TDRD1: variants seen among roughly 807,000 people sequenced by gnomAD.
TDRD1 encodes tudor domain containing 1.
In TDRD1, 37 loss-of-function variants were observed where a neutral mutation model predicts 140.6. The ratio of observed to expected loss-of-function variants is 0.26; its 90% CI spans 0.20 to 0.35. The LOEUF (loss-of-function observed/expected upper bound fraction) is 0.35. TDRD1 is among the 10% of genes least tolerant of loss of function. The pLI, the probability that TDRD1 is intolerant of heterozygous loss-of-function variation, is 1.00. For missense variants in TDRD1, 1,243 were observed against 1,393.0 expected (o/e 0.89, Z 1.71); for synonymous variants, 506 against 475.7 (o/e 1.06, Z -0.83).
intron 16 of TDRD1, among the ~76,000 whole-genome samples, chr10:114,216,598 A>G (rs892294247): frequency 6.6e-6 from 1 of 152,232 alleles, no homozygotes; most frequent in Admixed American, 6.5e-5. Context: ...TTTTATTACT[A>G]AAACAAATCC....
intron 11 of TDRD1, among the ~76,000 whole-genome samples, chr10:114,206,867 C>T (rs924200828): frequency 1.3e-5 from 2 of 152,188 alleles, no homozygotes; most frequent in Non-Finnish European, 2.9e-5. Flanking sequence ...TCGCCCGCCT[C>T]AGCCTCCCAA....
upstream of TDRD1, among the ~76,000 whole-genome samples, chr10:114,175,814 G>T (rs1428136593): frequency 6.6e-6 from 1 of 152,084 alleles, no homozygotes; most frequent in Non-Finnish European, 1.5e-5. Context: ...GACGCACTAT[G>T]TAAAAAAATC....
chr10:114,210,430 A>G (rs2035406505), intron 11 of TDRD1, 151 bp from the exon 12 acceptor site: 6 of 714,638 alleles, frequency 8.4e-6, no homozygotes, highest in Non-Finnish European at 1.3e-5. Flanking sequence ...TATTACTGGG[A>G]AGAAGAAACA....
upstream of TDRD1, among the ~76,000 whole-genome samples, chr10:114,176,262 C>T (rs1031721288): frequency 4.0e-5 from 6 of 150,164 alleles, no homozygotes; most frequent in African/African-American, 4.9e-5. This position sits in a 1 kb window ranked among gnomAD's most constrained non-coding sequence, Gnocchi z 4.2. Context: ...GTATTCCTGC[C>T]GGGGGATGCA....
intron 11 of TDRD1, among the ~76,000 whole-genome samples, chr10:114,209,680 G>T (rs1312979045): frequency 6.6e-6 from 1 of 152,134 alleles, no homozygotes; most frequent in East Asian, 1.9e-4. Flanking sequence ...GTCATTCCTA[G>T]ATATGAAATT....
At chr10:114,208,594 A>T (rs2035278031) in intron 11 of TDRD1, among the ~76,000 whole-genome samples, 1 of 152,052 alleles carries the variant, frequency 6.6e-6, no homozygotes, top group African/African-American at 2.4e-5. Context: ...GCCTGGCATT[A>T]TGATTGTGCA....
At chr10:114,227,223 C>T (rs764512229) in exon 23 of TDRD1, 12 of 1,613,900 alleles carry the variant, frequency 7.4e-6, no homozygotes, top group African/African-American at 1.3e-5. Context: ...ATGGGACTGT[C>T]GATGTAGCTG....
chr10:114,212,146 G>C, intron 14 of TDRD1, 110 bp downstream of exon 14: 1 of 975,142 alleles, frequency 1.0e-6, no homozygotes, highest in Non-Finnish European at 1.5e-6. Flanking sequence ...ATCATGATCA[G>C]ATGCTTAAAA....
intron 5 of TDRD1, 91 bp downstream of exon 5, chr10:114,201,606 G>A (rs940293881): frequency 3.4e-5 from 34 of 1,003,698 alleles, no homozygotes; most frequent in Middle Eastern, 4.8e-4. Context: ...CCACAACCAA[G>A]TAGAAGTTAC....
At chr10:114,180,972 C>G (rs1466960215) in intron 1 of TDRD1, among the ~76,000 whole-genome samples, 1 of 152,144 alleles carries the variant, frequency 6.6e-6, no homozygotes. Flanking sequence ...AGGAAGCCCC[C>G]AGCAACATCA....
chr10:114,226,591 A>C (rs2036452152), intron 22 of TDRD1, among the ~76,000 whole-genome samples: 1 of 152,214 alleles, frequency 6.6e-6, no homozygotes, highest in African/African-American at 2.4e-5. Context: ...TTTAGGGACT[A>C]AAGGCATTCA....
chr10:114,193,214 C>G (rs1422530303), intron 3 of TDRD1, among the ~76,000 whole-genome samples: 1 of 151,512 alleles, frequency 6.6e-6, no homozygotes, highest in African/African-American at 2.4e-5. Flanking sequence ...ATTTCTTTCC[C>G]CATGTTCATT....
chr10:114,191,121 T>G, intron 3 of TDRD1, 102 bp downstream of exon 3: 4 of 1,275,210 alleles, frequency 3.1e-6, no homozygotes, highest in South Asian at 1.5e-5. Flanking sequence ...TCATTCAAGA[T>G]CAAATGTTTT....
At chr10:114,189,925 T>C (rs1321416160) in intron 2 of TDRD1, among the ~76,000 whole-genome samples, 2 of 152,256 alleles carry the variant, frequency 1.3e-5, no homozygotes, top group Admixed American at 1.3e-4. Flanking sequence ...CGTAACAATA[T>C]GAAAAGTTCC....
At chr10:114,211,808 T>C in intron 13 of TDRD1, 58 bp from the exon 14 acceptor site, 8 of 1,430,774 alleles carry the variant, frequency 5.6e-6, no homozygotes, top group Admixed American at 2.8e-5. Context: ...GGAAGAAAGG[T>C]TTTTATTTAC....
At chr10:114,185,663 C>G (rs1417665468) in intron 1 of TDRD1, among the ~76,000 whole-genome samples, 1 of 152,124 alleles carries the variant, frequency 6.6e-6, no homozygotes, top group Non-Finnish European at 1.5e-5. Context: ...TCTTGGCTCA[C>G]TGTAACCTCC....
rs927376450 is a variant in TDRD1 at position 114,206,082 on chromosome 10, C to A, written c.1298-162C>A. On this transcript the variant is annotated intron_variant, in intron 10 of 25. Coordinates refer to ENST00000251864, the Ensembl canonical transcript of TDRD1. ...TTGCCTCAGTGTTTTAAGCTGGGCA[C>A]TACCATAGCTTACCCATAGGAACTG... 2.0e-5 allele frequency among the ~76,000 whole-genome samples: 3 copies of A among 152,228 alleles called. No homozygotes were observed. In the East Asian group the frequency reaches 5.8e-4, roughly 29 times the overall value.
intron 2 of TDRD1, among the ~76,000 whole-genome samples, chr10:114,188,945 T>A (rs1051336115): frequency 6.6e-6 from 1 of 151,060 alleles, no homozygotes; most frequent in Non-Finnish European, 1.5e-5. Flanking sequence ...TTTGAAGGTA[T>A]ATGAGTTGTG....
At chr10:114,205,943 G>T (rs2035071498) in intron 10 of TDRD1, among the ~76,000 whole-genome samples, 1 of 152,132 alleles carries the variant, frequency 6.6e-6, no homozygotes, top group Non-Finnish European at 1.5e-5. Context: ...CACATGGCAT[G>T]CCTGTTTCAA....
Sources: gnomAD v4.1 joint callset for allele counts (sites outside exome capture counted in the v4.1 genomes callset) on GRCh38, gnomAD v4.1.1 for gene constraint, Gnocchi (gnomAD v3.1) non-coding constraint, MANE v1.5 for transcripts, NCBI Gene and HGNC (gene_info 2026-07-23, HGNC 2026-07-21) for gene names.